The following ULK4 variants were observed in gnomAD, a reference collection of about 807,000 sequenced individuals.
The protein encoded by ULK4 is unc-51 like kinase 4, also known as inactive serine/threonine-protein kinase ULK4.
ULK4 carries 133 observed loss-of-function variants against 160.6 expected under a neutral mutation model. That is an observed-to-expected ratio of 0.83 (90% confidence interval 0.72 to 0.96). The LOEUF (loss-of-function observed/expected upper bound fraction) is 0.96, where lower values mean the gene tolerates loss of function less well. Among genes scored for constraint, ULK4 ranks in the 40% least tolerant of loss-of-function variants. The probability of loss-of-function intolerance (pLI) is 0.00; values close to 1 mark genes in which losing one functional copy is unlikely to be tolerated. For missense variants in ULK4, 1,580 were observed against 1,499.5 expected, an observed-to-expected ratio of 1.05 and a Z score of -0.89; for synonymous variants, 534 against 539.8, an observed-to-expected ratio of 0.99 and a Z score of 0.15.
chr3:41,560,026 T>A (rs139628823), intron 32 of ULK4, among the ~76,000 whole-genome samples: 2,170 of 152,320 alleles, frequency 0.014, 40 homozygotes, highest in African/African-American at 0.043. Flanking sequence ...CTTTAATCCA[T>A]CTTGAATTAA....
intron 35 of ULK4, among the ~76,000 whole-genome samples, chr3:41,381,560 T>C (rs2081652153): frequency 6.6e-6 from 1 of 152,244 alleles, no homozygotes; most frequent in Non-Finnish European, 1.5e-5. Flanking sequence ...TGGAATCATC[T>C]TTGACTATTT....
intron 29 of ULK4, among the ~76,000 whole-genome samples, chr3:41,678,177 T>TAC (rs752843326): frequency 0.11 from 13,853 of 123,012 alleles, 700 homozygotes; most frequent in East Asian, 0.16. Context: ...CTTTATTTCA[T>TAC]ACACACACAC....
At chr3:41,286,295 G>A (rs912098677) in intron 35 of ULK4, among the ~76,000 whole-genome samples, 1 of 152,154 alleles carries the variant, frequency 6.6e-6, no homozygotes, top group South Asian at 2.1e-4. Flanking sequence ...ATTTTTCAGA[G>A]GGAGTGAGTG....
rs142123169 is a variant in ULK4, at chr3:41,625,014, A to G, written c.3072-9297T>C. 5.3e-3 allele frequency among the ~76,000 whole-genome samples: 814 copies of G among 152,280 alleles called. 4 individuals are homozygous for G. The highest frequency in any genetic ancestry group is 0.019 in the African/African-American group (775 of 41,558). The stretch of plus-strand genomic sequence containing the variant: ...TTCTATGACTTATGAACTCACCTCA[A>G]ATGTAATTTCAACTGACGGATGTTA... On this transcript the variant is annotated intron_variant, in intron 30 of 36. Coordinates refer to ENST00000301831, the MANE Select transcript of ULK4 (RefSeq NM_017886.4).
At chr3:41,564,194 C>A (rs1329801696) in intron 32 of ULK4, among the ~76,000 whole-genome samples, 1 of 152,148 alleles carries the variant, frequency 6.6e-6, no homozygotes, top group Non-Finnish European at 1.5e-5. Context: ...CCAGCGGAGG[C>A]TGCAGAACAG....
intron 17 of ULK4, among the ~76,000 whole-genome samples, chr3:41,875,311 G>A (rs1367214706): frequency 2.0e-5 from 3 of 152,198 alleles, no homozygotes; most frequent in Non-Finnish European, 1.5e-5. Flanking sequence ...CCAACACTTT[G>A]GGAGGCTGAG....
At chr3:41,494,702 T>C (rs2084921949) in intron 32 of ULK4, among the ~76,000 whole-genome samples, 1 of 152,132 alleles carries the variant, frequency 6.6e-6, no homozygotes, top group African/African-American at 2.4e-5. Context: ...GCCCAAAATC[T>C]CCTTAAGCTG....
intron 22 of ULK4, among the ~76,000 whole-genome samples, chr3:41,751,171 G>A (rs540383817): frequency 6.6e-6 from 1 of 152,098 alleles, no homozygotes; most frequent in African/African-American, 2.4e-5. Flanking sequence ...GATGGGTGTG[G>A]CAAAGAAGCA....
chr3:41,646,487 A>G (rs2034498255), intron 30 of ULK4, among the ~76,000 whole-genome samples: 1 of 152,178 alleles, frequency 6.6e-6, no homozygotes, highest in South Asian at 2.1e-4. Context: ...TCTGGGTTGA[A>G]AATTCTTTTC....
Position 41,954,736 on chromosome 3 carries a change from C to T in ULK4, c.24G>A (p.Glu8=). 6.2e-7 allele frequency: 1 copy of T among 1,613,500 alleles called. No homozygotes were observed. Among genetic ancestry groups the T allele is most frequent in the Admixed American group, 1.7e-5 (1 of 59,820 alleles). The change falls in exon 2 of 37, where the codon GAG becomes GAA. Residue 8 remains glutamate, a synonymous_variant. Transcript: ENST00000301831. MENFILY[E]EIGRGSKTVV... is the part of the protein sequence containing the mutation. The stretch of plus-strand genomic sequence containing the variant: ...CAGTCTTGCTTCCTCTTCCGATCTC[C>T]TCATACAGAATAAAGTTTTCCATCT...
chr3:41,708,135 C>A (rs930223994), intron 25 of ULK4, among the ~76,000 whole-genome samples: 1 of 150,814 alleles, frequency 6.6e-6, no homozygotes, highest in Admixed American at 6.6e-5. Context: ...AATATAAGTA[C>A]CATATGATTA....
At chr3:41,484,196 T>C (rs2125899596) in intron 32 of ULK4, among the ~76,000 whole-genome samples, 1 of 152,296 alleles carries the variant, frequency 6.6e-6, no homozygotes, top group Admixed American at 6.5e-5. Flanking sequence ...CAGAACCCAA[T>C]TTGATACTGA....
chr3:41,558,874 T>G (rs1475168997), intron 32 of ULK4, among the ~76,000 whole-genome samples: 3 of 151,466 alleles, frequency 2.0e-5, no homozygotes, highest in Non-Finnish European at 4.4e-5. Flanking sequence ...TTTATTTTAT[T>G]TATTTATTTA....
Position 41,277,753 on chromosome 3 carries a change from T to C in ULK4, c.3679-28179A>G, listed in dbSNP as rs574708806. The C allele has an allele frequency of 1.8e-4, 27 of 152,302 alleles. No homozygotes were observed. In the East Asian group the frequency reaches 3.9e-3, roughly 22 times the overall value. 9.4% of individuals were successfully genotyped at this position (152,302 alleles called of 1,614,324 possible). The stretch of plus-strand genomic sequence containing the variant: ...GTACTGGAAATAAAGGGCATCCAAA[T>C]TGGTAAACAGTAAGTTAAACTGTCA... On this transcript the variant is annotated intron_variant, in intron 35 of 36. Coordinates refer to ENST00000301831, the MANE Select transcript of ULK4 (RefSeq NM_017886.4).
intron 17 of ULK4, among the ~76,000 whole-genome samples, chr3:41,856,590 C>CGT (rs1559611292): frequency 7.7e-5 from 4 of 51,996 alleles, no homozygotes; most frequent in African/African-American, 1.3e-4. Context: ...TATATATACA[C>CGT]ATATATATAT....
chr3:41,462,999 C>T (rs1404559939), intron 33 of ULK4, 88 bp downstream of exon 33: 9 of 1,448,762 alleles, frequency 6.2e-6, no homozygotes, highest in Non-Finnish European at 7.5e-6. Flanking sequence ...AGTAAAGACA[C>T]AATAGAGGAA....
chr3:41,533,902 G>A (rs1034135614), intron 32 of ULK4, among the ~76,000 whole-genome samples: 6 of 152,142 alleles, frequency 3.9e-5, no homozygotes, highest in Admixed American at 3.9e-4. Flanking sequence ...CCGCCTCCTG[G>A]GTTCACGCCA....
intron 17 of ULK4, among the ~76,000 whole-genome samples, chr3:41,846,458 T>C (rs2042071967): frequency 1.3e-5 from 2 of 152,184 alleles, no homozygotes; most frequent in Admixed American, 6.5e-5. Context: ...CATGTTTTCC[T>C]CTAGTCTTTA....
chr3:41,449,743 T>A (rs544465126), intron 34 of ULK4, among the ~76,000 whole-genome samples: 1 of 152,132 alleles, frequency 6.6e-6, no homozygotes, highest in African/African-American at 2.4e-5. Context: ...AAAACAGAAA[T>A]GAACTTTTTC....
Sources: gnomAD v4.1 joint callset for allele counts (sites outside exome capture counted in the v4.1 genomes callset) on GRCh38, gnomAD v4.1.1 for gene constraint, MANE v1.5 for transcripts, NCBI Gene and HGNC (gene_info 2026-07-23, HGNC 2026-07-21) for gene names.